Variants in ARMC5 observed in about 807,000 individuals in gnomAD.
The protein encoded by ARMC5 is armadillo repeat containing 5.
A neutral mutation model predicts 60.5 loss-of-function variants in ARMC5; 28 were observed. That is an observed-to-expected ratio of 0.46 (90% confidence interval 0.34 to 0.63). ARMC5 has a LOEUF of 0.63. Ranked by LOEUF, ARMC5 falls within the 30% of genes least tolerant of loss-of-function variation. The probability of loss-of-function intolerance (pLI) is 0.01; values close to 1 mark genes in which losing one functional copy is unlikely to be tolerated. For missense variants in ARMC5, 1,189 were observed against 1,304.9 expected (o/e 0.91, Z 1.37); for synonymous variants, 680 against 607.3 (o/e 1.12, Z -1.76).
chr16:31,460,170 A>G (rs2082292344), intron 1 of ARMC5, 171 bp downstream of exon 1: 3 of 656,124 alleles, frequency 4.6e-6, no homozygotes, highest in Non-Finnish European at 2.5e-6. Flanking sequence ...TGCACTCTCT[A>G]TAGATGAGAG....
chr16:31,459,023 C>T (rs1353615560), upstream of ARMC5: 1 of 1,530,922 alleles, frequency 6.5e-7, no homozygotes, highest in Admixed American at 2.0e-5. Flanking sequence ...GGCTCCCCGT[C>T]TGCGGCGCGG....
Position 31,459,620 on chromosome 16 carries a change from C to A in ARMC5, c.96C>A (p.Asp32Glu). 1 of 1,597,314 alleles carries A rather than the reference C, an allele frequency of 6.3e-7. No homozygotes were observed. The highest frequency in any genetic ancestry group is 8.5e-7 in the Non-Finnish European group (1 of 1,178,602). ...GGGAGGCTCTGGGTGGGGAAAAGGACCCAGCGACCAACGAGACACCCCTGA... is the reference window on the plus strand; with the variant it reads ...GGGAGGCTCTGGGTGGGGAAAAGGAACCAGCGACCAACGAGACACCCCTGA... ...AAGEALGGEK[D>E]PATNETPLSR... is the part of the protein sequence containing the mutation. The change falls in exon 1 of 6, where the codon GAC (aspartate) becomes GAA (glutamate). Residue 32 changes from aspartate (D) to glutamate (E), a missense_variant. By Grantham distance (45) the Asp-to-Glu change is conservative. Around this residue, in one of 2 missense-constraint regions of ARMC5, gnomAD observed 327 missense variants for 233.7 expected, o/e 1.40. Transcript: ENST00000268314.
rs1483653014 is a variant in ARMC5 at position 31,467,004 on chromosome 16, G to A, written c.*115G>A. The stretch of plus-strand genomic sequence containing the variant: ...AGGAGTCATCATGGAGGAGCGGTGA[G>A]AACATGGAACCGGACTCCAAGATGA... On this transcript the variant is annotated 3_prime_UTR_variant, in exon 6 of 6. Coordinates refer to ENST00000268314, the MANE Select transcript of ARMC5 (RefSeq NM_001105247.2). The A allele has an allele frequency of 1.6e-6, 2 of 1,286,984 alleles. No individual in the cohort carries two copies. The highest frequency in any genetic ancestry group is 3.0e-5 in the African/African-American group (2 of 65,770). 79.7% of individuals were successfully genotyped at this position (1,286,984 alleles called of 1,614,324 possible).
rs1567375692 is a variant in ARMC5, at chr16:31,462,574, A to G, written c.1027A>G (p.Thr343Ala). Residue 343 changes from threonine to alanine, a missense_variant, in exon 3 of 6, where the codon ACC (threonine) becomes GCC (alanine). Thr to Ala is a moderately conservative substitution (Grantham distance 58). Coordinates refer to ENST00000268314, the MANE Select transcript of ARMC5 (RefSeq NM_001105247.2). This position sits in a 1 kb window ranked among gnomAD's most constrained non-coding sequence, Gnocchi z 7.2. ...QRRDPNGASPTSQQPLVRAVC... is the reference protein window; with the variant it reads ...QRRDPNGASPASQQPLVRAVC... ...CCGGGATCCTAATGGAGCTAGCCCA[A>G]CCTCCCAGCAGCCCCTGGTGCGGGC... The G allele has an allele frequency of 1.9e-6, 3 of 1,612,106 alleles. No homozygotes were observed. In the South Asian group the frequency reaches 3.3e-5, roughly 18 times the overall value.
chr16:31,459,379 G>A, upstream of ARMC5: 1 of 1,536,710 alleles, frequency 6.5e-7, no homozygotes, highest in Non-Finnish European at 8.7e-7. Context: ...GACTTCCGGG[G>A]TCGAGAACTA....
In ARMC5 at chr16:31,462,312, C is replaced by A. The variant is rs1462440783; in HGVS notation, c.765C>A (p.Thr255=). The A allele has an allele frequency of 1.2e-6, 2 of 1,610,604 alleles. No individual in the cohort carries two copies. The highest frequency in any genetic ancestry group is 2.2e-5 in the South Asian group (2 of 91,066). The change falls in exon 3 of 6, where the codon ACC becomes ACA. Residue 255 remains threonine, a synonymous_variant. Transcript: ENST00000268314. The surrounding 1 kb of genome is among the most constrained non-coding windows in gnomAD (Gnocchi z 7.2). The part of the protein sequence containing the change: ...LLATAPDAAL[T]LALVRALLEL... ...CCACTGCCCCAGATGCTGCACTGAC[C>A]TTAGCCCTCGTCCGTGCCCTCCTGG... is the stretch of plus-strand genomic sequence containing the variant.
chr16:31,461,850 C>T (rs2082306049), intron 1 of ARMC5, 72 bp from the exon 2 acceptor site: 4 of 1,428,932 alleles, frequency 2.8e-6, no homozygotes, highest in Admixed American at 3.4e-5. Context: ...CCTCTCAGGC[C>T]ACATTCTCCA....
chr16:31,462,532 G>T lies in ARMC5; in HGVS notation c.985G>T (p.Asp329Tyr). The change falls in exon 3 of 6, where the codon GAT becomes TAT. Residue 329 changes from aspartate (D) to tyrosine (Y), a missense_variant. Transcript: ENST00000268314. The surrounding 1 kb of genome is among the most constrained non-coding windows in gnomAD (Gnocchi z 7.2). ...TGCTGGTGGCGTGGAGGTGCTGGTAGATGAGCTCCGGCAGCGCCGGGATCC... is the reference window on the plus strand; with the variant it reads ...TGCTGGTGGCGTGGAGGTGCTGGTATATGAGCTCCGGCAGCGCCGGGATCC... ...GNAGGVEVLVDELRQRRDPNG... is the reference protein window; with the variant it reads ...GNAGGVEVLVYELRQRRDPNG... The T allele has an allele frequency of 1.2e-6, 2 of 1,611,024 alleles. No homozygotes were observed. Among genetic ancestry groups the T allele is most frequent in the Admixed American group, 3.3e-5 (2 of 60,018 alleles).
At chr16:31,459,006 G>A (rs1046227846), upstream of ARMC5, 64 of 1,533,348 alleles carry the variant, frequency 4.2e-5, no homozygotes, top group Non-Finnish European at 5.2e-5. Context: ...TCCTCTGACC[G>A]AGCGAGGGCT....
At position 31,464,291 on chromosome 16, in the gene ARMC5, TTAAA is replaced by T; in HGVS notation, c.1371-102_1371-99del. The T allele has an allele frequency of 3.2e-6, 3 of 950,788 alleles. No homozygotes were observed. Among genetic ancestry groups the T allele is most frequent in the Non-Finnish European group, 4.3e-6 (3 of 694,728 alleles). The allele number at this position is 950,788 out of a possible 1,614,324, so 58.9% of individuals were successfully genotyped here. A position where few individuals can be genotyped will look rare whatever the true frequency, so the allele number is the denominator to read the frequency against. On this transcript the variant is annotated intron_variant, in intron 3 of 5. Coordinates refer to ENST00000268314, the MANE Select transcript of ARMC5 (RefSeq NM_001105247.2). The surrounding 1 kb of genome is among the most constrained non-coding windows in gnomAD (Gnocchi z 7.6). ...GGCTATAGAGGGATACCACATTTCTTTAAAAAAAAAAAAAAAAAAAAAAAAGACG... is the reference window on the plus strand; with the variant it reads ...GGCTATAGAGGGATACCACATTTCTTAAAAAAAAAAAAAAAAAAAAAGACG...
Position 31,466,921 on chromosome 16 carries a change from G to T in ARMC5, c.*32G>T. Reference sequence around the variant, plus strand: ...GACGTCCCCTGGGAAGGGGACCCAAGGATGAATTGGCTGTGAAGGATCCTC... The same window carrying T: ...GACGTCCCCTGGGAAGGGGACCCAATGATGAATTGGCTGTGAAGGATCCTC... On this transcript the variant is annotated 3_prime_UTR_variant, in exon 6 of 6. Transcript: ENST00000268314. This position sits in a 1 kb window ranked among gnomAD's most constrained non-coding sequence, Gnocchi z 8.0. 1 of 1,483,724 alleles carries T rather than the reference G, an allele frequency of 6.7e-7. No individual in the cohort carries two copies. The highest frequency in any genetic ancestry group is 8.9e-7 in the Non-Finnish European group (1 of 1,118,426). The allele number at this position is 1,483,724 out of a possible 1,614,324, so 91.9% of individuals were successfully genotyped here. A position where few individuals can be genotyped will look rare whatever the true frequency, so the allele number is the denominator to read the frequency against.
intron 1 of ARMC5, 40 bp downstream of exon 1, chr16:31,460,039 G>A: frequency 1.3e-6 from 2 of 1,589,296 alleles, no homozygotes; most frequent in Non-Finnish European, 1.7e-6. Flanking sequence ...GATTAGGTTT[G>A]CAACTCCCTT....
chr16:31,462,750 T>C lies in ARMC5; in HGVS notation c.1203T>C (p.Thr401=). 6.2e-7 allele frequency: 1 copy of C among 1,613,896 alleles called. No homozygotes were observed. The part of the protein sequence containing the change: ...VAALVGFLYD[T]GALGRLQALG... Reference sequence around the variant, plus strand: ...CCCTTGTGGGGTTTCTGTATGACACTGGGGCCCTGGGCCGGCTGCAGGCTC... The same window carrying C: ...CCCTTGTGGGGTTTCTGTATGACACCGGGGCCCTGGGCCGGCTGCAGGCTC... The change falls in exon 3 of 6, where the codon ACT becomes ACC. Residue 401 remains threonine (T), a synonymous_variant. Coordinates refer to ENST00000268314, the MANE Select transcript of ARMC5 (RefSeq NM_001105247.2). This position sits in a 1 kb window ranked among gnomAD's most constrained non-coding sequence, Gnocchi z 7.2.
At chr16:31,463,803 C>T (rs890938110) in intron 3 of ARMC5, among the ~76,000 whole-genome samples, 3 of 152,182 alleles carry the variant, frequency 2.0e-5, no homozygotes, top group African/African-American at 4.8e-5. Context: ...TACTTCTTGT[C>T]TGCTTCTTCT....
In ARMC5 at chr16:31,462,999, TC is replaced by T; in HGVS notation, c.1370+84del. 7.6e-7 allele frequency: 1 copy of T among 1,320,698 alleles called. No individual in the cohort carries two copies. 81.8% of individuals were successfully genotyped at this position (1,320,698 alleles called of 1,614,324 possible). ...GTCTGTCTTGGTCCTCTTCACTACC[TC>T]CACCCCTATTCTGTCTGAATAAGAC... On this transcript the variant is annotated intron_variant, in intron 3 of 5. Coordinates refer to ENST00000268314, the MANE Select transcript of ARMC5 (RefSeq NM_001105247.2). This position sits in a 1 kb window ranked among gnomAD's most constrained non-coding sequence, Gnocchi z 7.2.
At chr16:31,463,052 A>T in intron 3 of ARMC5, 135 bp downstream of exon 3, 1 of 929,612 alleles carries the variant, frequency 1.1e-6, no homozygotes, top group Non-Finnish European at 1.5e-6. Context: ...CCTGATTCCC[A>T]CACGACCACC....
At position 31,464,538 on chromosome 16, in the gene ARMC5, C is replaced by T. The variant is rs115663676; in HGVS notation, c.1515C>T (p.Arg505=). ...PTSLRAPRTQ[R]TPGRSPAAAI... is the part of the protein sequence containing the mutation. ...CGCTGCGGGCACCACGCACCCAACG[C>T]ACTCCGGGCCGCAGCCCCGCCGCCG... is the stretch of plus-strand genomic sequence containing the variant. The change falls in exon 4 of 6, where the codon CGC becomes CGT. Residue 505 remains arginine (R), a synonymous_variant. Transcript: ENST00000268314. This position sits in a 1 kb window ranked among gnomAD's most constrained non-coding sequence, Gnocchi z 7.6. 2,461 of 1,591,796 alleles carry T rather than the reference C, an allele frequency of 1.5e-3. 33 individuals are homozygous for T. In the African/African-American group the frequency reaches 0.03, roughly 19 times the overall value.
At chr16:31,458,390 C>A, upstream of ARMC5, 1 of 1,535,566 alleles carries the variant, frequency 6.5e-7, no homozygotes, top group Non-Finnish European at 8.7e-7. Context: ...GGCATAGGGC[C>A]GAAGCGATGG....
In ARMC5 at chr16:31,467,024, A is replaced by C. The variant is rs2082367607; in HGVS notation, c.*135A>C. 1 of 1,179,242 alleles carries C rather than the reference A, an allele frequency of 8.5e-7. No individual in the cohort carries two copies. Among genetic ancestry groups the C allele is most frequent in the Non-Finnish European group, 1.1e-6 (1 of 896,162 alleles). The allele number at this position is 1,179,242 out of a possible 1,614,324, so 73.0% of individuals were successfully genotyped here. Reference sequence around the variant, plus strand: ...GGTGAGAACATGGAACCGGACTCCAAGATGACGATCTAAAGACCCGGGAGC... The same window carrying C: ...GGTGAGAACATGGAACCGGACTCCACGATGACGATCTAAAGACCCGGGAGC... On this transcript the variant is annotated 3_prime_UTR_variant, in exon 6 of 6. Transcript: ENST00000268314.
Sources: gnomAD v4.1 joint callset for allele counts (sites outside exome capture counted in the v4.1 genomes callset) on GRCh38, gnomAD v4.1.1 for gene constraint, gnomAD v4.1.1 regional missense constraint, Gnocchi (gnomAD v3.1) non-coding constraint, MANE v1.5 for transcripts, NCBI Gene and HGNC (gene_info 2026-07-23, HGNC 2026-07-21) for gene names.